The following GREM2 variants were observed in gnomAD, a reference collection of about 807,000 sequenced individuals.
GREM2 encodes gremlin-2.
GREM2 carries 11 observed loss-of-function variants against 14.2 expected under a neutral mutation model. That is an observed-to-expected ratio of 0.78 (90% confidence interval 0.49 to 1.28). GREM2 has a LOEUF of 1.28. Ranked by LOEUF, GREM2 falls within the 50% of genes most tolerant of loss-of-function variation. GREM2 has a pLI of 0.00. For synonymous variants in GREM2, 98 were observed against 97.6 expected (o/e 1.00, Z -0.02); for missense variants, 210 against 218.5 (o/e 0.96, Z 0.24).
At chr1:240,591,986 C>T (rs1036636991) in intron 1 of GREM2, among the ~76,000 whole-genome samples, 79 of 152,154 alleles carry the variant, frequency 5.2e-4, no homozygotes, top group Admixed American at 1.3e-4. Context: ...TAAAATTTTA[C>T]AGTCTGGTTC....
intron 1 of GREM2, among the ~76,000 whole-genome samples, chr1:240,524,067 G>A (rs867555072): frequency 2.0e-5 from 3 of 152,120 alleles, no homozygotes; most frequent in Non-Finnish European, 2.9e-5. Context: ...AGGTTGGAGT[G>A]CAGTGATGTA....
intron 1 of GREM2, among the ~76,000 whole-genome samples, chr1:240,610,098 A>G (rs1378700867): frequency 6.6e-6 from 1 of 152,224 alleles, no homozygotes. Context: ...TGCTACCAAC[A>G]CACCCAACAT....
chr1:240,516,001 G>A (rs1395900823), intron 1 of GREM2, among the ~76,000 whole-genome samples: 2 of 152,060 alleles, frequency 1.3e-5, no homozygotes, highest in African/African-American at 2.4e-5. Context: ...TTCTTCTAAT[G>A]AGAAAGAGCT....
intron 1 of GREM2, among the ~76,000 whole-genome samples, chr1:240,578,217 C>T (rs911286413): frequency 6.6e-6 from 1 of 152,112 alleles, no homozygotes; most frequent in Non-Finnish European, 1.5e-5. Context: ...CCTCTGCCTC[C>T]TGGGTTCAAG....
intron 1 of GREM2, among the ~76,000 whole-genome samples, chr1:240,604,165 G>A (rs924798007): frequency 1.3e-5 from 2 of 151,728 alleles, no homozygotes; most frequent in South Asian, 2.1e-4. Context: ...CGTGGGGAGG[G>A]CACCAAGCCA....
In GREM2 at chr1:240,543,542, C is replaced by T. The variant is rs1280068551; in HGVS notation, c.-1-50066G>A. ...TCAATTATTTCCACCTGGCCTTGCC[C>T]ATGAAACATGGGGATTATTACAATT... On this transcript the variant is annotated intron_variant, in intron 1 of 1. Transcript: ENST00000318160. This position sits in a 1 kb window ranked among gnomAD's most constrained non-coding sequence, Gnocchi z 6.4. 1.3e-5 allele frequency among the ~76,000 whole-genome samples: 2 copies of T among 152,170 alleles called. No individual in the cohort carries two copies. Among genetic ancestry groups the T allele is most frequent in the Non-Finnish European group, 2.9e-5 (2 of 68,042 alleles).
chr1:240,532,595 A>G (rs1678384875), intron 1 of GREM2, among the ~76,000 whole-genome samples: 1 of 152,166 alleles, frequency 6.6e-6, no homozygotes, highest in Non-Finnish European at 1.5e-5. Context: ...CTGAGGGCCA[A>G]TCTTATGTCA....
intron 1 of GREM2, among the ~76,000 whole-genome samples, chr1:240,551,110 C>T (rs532232303): frequency 3.9e-4 from 60 of 152,146 alleles, no homozygotes; most frequent in African/African-American, 1.4e-3. Flanking sequence ...TCTCATCTTC[C>T]CCATGCTTTC....
At chr1:240,521,351 G>A (rs1159561656) in intron 1 of GREM2, among the ~76,000 whole-genome samples, 1 of 152,074 alleles carries the variant, frequency 6.6e-6, no homozygotes, top group Non-Finnish European at 1.5e-5. Flanking sequence ...GGCGGATCAC[G>A]AGGTCAGGAG....
In GREM2 at chr1:240,543,392, A is replaced by G. The variant is rs148760851; in HGVS notation, c.-1-49916T>C. ...AGGCAGAAGACAAATGAGGAGCAAA[A>G]TCACGTCTTACATGGTGGTAAGCAG... On this transcript the variant is annotated intron_variant, in intron 1 of 1. Coordinates refer to ENST00000318160, the MANE Select transcript of GREM2 (RefSeq NM_022469.4). The surrounding 1 kb of genome is among the most constrained non-coding windows in gnomAD (Gnocchi z 6.4). Among the ~76,000 whole-genome samples, 607 of 152,326 alleles carry G rather than the reference A, an allele frequency of 4.0e-3. 1 individual carries two copies. Among genetic ancestry groups the G allele is most frequent in the South Asian group, 0.011 (53 of 4,828 alleles).
At position 240,543,544 on chromosome 1, in the gene GREM2, T is replaced by C. The variant is rs550112372; in HGVS notation, c.-1-50068A>G. Among the ~76,000 whole-genome samples the C allele has an allele frequency of 3.2e-4, 49 of 152,262 alleles. No homozygotes were observed. The highest frequency in any genetic ancestry group is 6.5e-4 in the Non-Finnish European group (44 of 68,018). ...AATTATTTCCACCTGGCCTTGCCCA[T>C]GAAACATGGGGATTATTACAATTCA... On this transcript the variant is annotated intron_variant, in intron 1 of 1. Coordinates refer to ENST00000318160, the MANE Select transcript of GREM2 (RefSeq NM_022469.4). The surrounding 1 kb of genome is among the most constrained non-coding windows in gnomAD (Gnocchi z 6.4).
chr1:240,610,730 C>T (rs1168499006), intron 1 of GREM2, among the ~76,000 whole-genome samples: 4 of 152,144 alleles, frequency 2.6e-5, no homozygotes, highest in South Asian at 2.1e-4. Flanking sequence ...GCTGTTTAGA[C>T]GAAAGGTAAG....
At chr1:240,496,855 C>CA (rs1322756853) in intron 1 of GREM2, among the ~76,000 whole-genome samples, 2 of 151,966 alleles carry the variant, frequency 1.3e-5, no homozygotes, top group African/African-American at 2.4e-5. Context: ...ACTAAAAATA[C>CA]AAAAAAATTA....
intron 1 of GREM2, among the ~76,000 whole-genome samples, chr1:240,562,299 T>C (rs1289796618): frequency 1.3e-5 from 2 of 152,160 alleles, no homozygotes; most frequent in Non-Finnish European, 2.9e-5. Context: ...TGACCCTGAT[T>C]CAACAAATCT....
intron 1 of GREM2, among the ~76,000 whole-genome samples, chr1:240,608,833 T>C (rs1488696030): frequency 6.6e-6 from 1 of 151,952 alleles, no homozygotes; most frequent in Non-Finnish European, 1.5e-5. Context: ...GCACTTCAAG[T>C]TGGAGGGAGA....
chr1:240,506,075 A>G (rs549713653), intron 1 of GREM2, among the ~76,000 whole-genome samples: 17 of 152,308 alleles, frequency 1.1e-4, no homozygotes, highest in African/African-American at 3.6e-4. Context: ...ATAGATTTAG[A>G]ACTAAAAATG....
At chr1:240,500,515 G>A (rs1415350202) in intron 1 of GREM2, among the ~76,000 whole-genome samples, 1 of 152,028 alleles carries the variant, frequency 6.6e-6, no homozygotes, top group Non-Finnish European at 1.5e-5. Context: ...GTGTTGGCCA[G>A]GCTGGTCTCG....
At chr1:240,596,099 T>C (rs371379767) in intron 1 of GREM2, among the ~76,000 whole-genome samples, 1 of 152,220 alleles carries the variant, frequency 6.6e-6, no homozygotes, top group East Asian at 1.9e-4. Context: ...TCTGCTATTG[T>C]GTAGGCTGAA....
At chr1:240,599,518 T>C (rs1679879642) in intron 1 of GREM2, among the ~76,000 whole-genome samples, 1 of 152,188 alleles carries the variant, frequency 6.6e-6, no homozygotes, top group South Asian at 2.1e-4. Context: ...ACTCATTTCT[T>C]TCCCTGAATC....
Sources: allele counts gnomAD v4.1 joint callset (sites outside exome capture counted in the v4.1 genomes callset), GRCh38; gene constraint gnomAD v4.1.1; non-coding constraint Gnocchi (gnomAD v3.1); transcripts MANE v1.5; gene names NCBI Gene and HGNC (gene_info 2026-07-23, HGNC 2026-07-21).